PSMD1: variants seen among roughly 807,000 people sequenced by gnomAD.
The protein encoded by PSMD1 is proteasome 26S subunit, non-ATPase 1.
Under a neutral mutation model 119.0 loss-of-function variants are expected in PSMD1, and 18 were observed. The observed-to-expected ratio is 0.15, with a 90% confidence interval of 0.10 to 0.22. The LOEUF is 0.22. Among genes scored for constraint, PSMD1 ranks in the 10% least tolerant of loss-of-function variants. The pLI is 1.00. For synonymous variants in PSMD1, 374 were observed against 396.6 expected (o/e 0.94, Z 0.68); for missense variants, 702 against 1,158.5 (o/e 0.61, Z 5.72).
intron 19 of PSMD1, among the ~76,000 whole-genome samples, chr2:231,155,208 T>C (rs1696458105): frequency 6.6e-6 from 1 of 152,250 alleles, no homozygotes; most frequent in African/African-American, 2.4e-5. Flanking sequence ...CTCAAGGTTT[T>C]TATAGCAGTT....
At chr2:231,059,996 C>T (rs1693715751) in intron 1 of PSMD1, among the ~76,000 whole-genome samples, 1 of 152,202 alleles carries the variant, frequency 6.6e-6, no homozygotes, top group Non-Finnish European at 1.5e-5. Flanking sequence ...ATCCATCTCC[C>T]TTTTTGGTAA....
chr2:231,109,341 C>T (rs61731725), intron 16 of PSMD1: 2 of 1,613,896 alleles, frequency 1.2e-6, no homozygotes, highest in Admixed American at 3.3e-5. Flanking sequence ...TTTGTCAGCA[C>T]ACAAGTGATA....
intron 1 of PSMD1, among the ~76,000 whole-genome samples, chr2:231,058,891 C>T (rs1038328077): frequency 6.6e-6 from 1 of 152,152 alleles, no homozygotes; most frequent in Non-Finnish European, 1.5e-5. Flanking sequence ...TATTAAAACA[C>T]GCTTACTCTC....
chr2:231,169,531 C>T (rs1471782560), intron 23 of PSMD1, among the ~76,000 whole-genome samples: 4 of 152,066 alleles, frequency 2.6e-5, no homozygotes, highest in East Asian at 1.9e-4. Context: ...GGAAATAGTT[C>T]GGAGTTCACG....
intron 16 of PSMD1, among the ~76,000 whole-genome samples, chr2:231,117,044 A>T (rs912963372): frequency 6.6e-6 from 1 of 152,092 alleles, no homozygotes; most frequent in Non-Finnish European, 1.5e-5. Flanking sequence ...AAACAGTTCT[A>T]GACACACTTG....
At chr2:231,078,778 T>A in intron 10 of PSMD1, 31 bp downstream of exon 10, 1 of 1,085,948 alleles carries the variant, frequency 9.2e-7, no homozygotes, top group Non-Finnish European at 1.3e-6. Flanking sequence ...TCACTTTGGT[T>A]CAAAATCTTT....
At chr2:231,083,467 T>G in intron 13 of PSMD1, 100 bp from the exon 14 acceptor site, 1 of 1,274,948 alleles carries the variant, frequency 7.8e-7, no homozygotes, top group Admixed American at 2.0e-5. Flanking sequence ...GCTAATGATT[T>G]TTTTGATAGT....
At chr2:231,087,962 C>CAA (rs1056884712) in intron 16 of PSMD1, among the ~76,000 whole-genome samples, 1 of 138,532 alleles carries the variant, frequency 7.2e-6, no homozygotes. Context: ...GACTCCCTCT[C>CAA]AAAAAAAAAA....
In PSMD1 at chr2:231,170,606, A is replaced by G. The variant is rs1480593232; in HGVS notation, c.2756A>G (p.Glu919Gly). The change falls in exon 24 of 25, where the codon GAA (glutamate) becomes GGA (glycine). Residue 919 changes from glutamate (E) to glycine (G), a missense_variant. Physicochemically the swap from Glu to Gly is moderately conservative, Grantham distance 98. This residue lies in a region of PSMD1 where 152 missense variants were observed against 239.3 expected (regional missense o/e 0.64). Coordinates refer to ENST00000308696, the MANE Select transcript of PSMD1 (RefSeq NM_002807.4). The surrounding 1 kb of genome is among the most constrained non-coding windows in gnomAD (Gnocchi z 4.1). ...GGIIILKDTS[E>G]DIEELVEPVA... is the part of the protein sequence containing the mutation. ...ATCATCATTCTGAAGGATACCAGTG[A>G]AGACATTGAGGAGCTGGTGGAACCT... 1.9e-6 allele frequency: 3 copies of G among 1,613,986 alleles called. No homozygotes were observed. The African/African-American group carries it at 4.0e-5, about 22-fold the overall frequency.
At chr2:231,099,477 A>G (rs1017502153) in intron 16 of PSMD1, among the ~76,000 whole-genome samples, 1 of 152,118 alleles carries the variant, frequency 6.6e-6, no homozygotes, top group Non-Finnish European at 1.5e-5. Context: ...CTTTTTCCTA[A>G]GTTTAGTCCT....
At chr2:231,113,831 C>T in intron 16 of PSMD1, 2 of 1,614,108 alleles carry the variant, frequency 1.2e-6, no homozygotes, top group Non-Finnish European at 1.7e-6. Context: ...TAACGATCCA[C>T]TGAAATGGCA....
At chr2:231,058,112 C>A (rs1693655703) in intron 1 of PSMD1, among the ~76,000 whole-genome samples, 1 of 152,156 alleles carries the variant, frequency 6.6e-6, no homozygotes, top group Non-Finnish European at 1.5e-5. Flanking sequence ...GACTTTTTGT[C>A]CCCAAGAGAT....
rs1320661440 is a variant in PSMD1 at position 231,172,766 on chromosome 2, G to C, written c.*241G>C. On this transcript the variant is annotated 3_prime_UTR_variant, in exon 25 of 25. Coordinates refer to ENST00000308696, the MANE Select transcript of PSMD1 (RefSeq NM_002807.4). ...AGATCTCCAGATGGACAAGACATTTGTTTTTCAGCCTGGGTTTTTAATAAA... is the reference window on the plus strand; with the variant it reads ...AGATCTCCAGATGGACAAGACATTTCTTTTTCAGCCTGGGTTTTTAATAAA... 4 of 152,114 alleles carry C rather than the reference G, an allele frequency of 2.6e-5. No individual in the cohort carries two copies. The highest frequency in any genetic ancestry group is 5.9e-5 in the Non-Finnish European group (4 of 68,016). 9.4% of individuals were successfully genotyped at this position (152,114 alleles called of 1,614,324 possible). A position where few individuals can be genotyped will look rare whatever the true frequency, so the allele number is the denominator to read the frequency against.
At chr2:231,128,579 C>A (rs1332629029) in intron 16 of PSMD1, among the ~76,000 whole-genome samples, 1 of 152,212 alleles carries the variant, frequency 6.6e-6, no homozygotes, top group Non-Finnish European at 1.5e-5. Context: ...CTCAAAATGT[C>A]TTTCTTTTCA....
chr2:231,171,420 T>C (rs1177690747), intron 24 of PSMD1, among the ~76,000 whole-genome samples: 1 of 152,192 alleles, frequency 6.6e-6, no homozygotes, highest in Non-Finnish European at 1.5e-5. Flanking sequence ...TTTGGAGTAA[T>C]CTAATTTCAT....
chr2:231,123,327 A>G lies in PSMD1; in HGVS notation c.1884-15409A>G, dbSNP rs1695610350. 6 of 998,718 alleles carry G rather than the reference A, an allele frequency of 6.0e-6. No individual in the cohort carries two copies. The African/African-American group carries it at 6.4e-5, about 11-fold the overall frequency. 61.9% of individuals were successfully genotyped at this position (998,718 alleles called of 1,614,324 possible). A position where few individuals can be genotyped will look rare whatever the true frequency, so the allele number is the denominator to read the frequency against. ...GTCCAAGTTCATCTTTTATTTCAAGAAAAGTAAAGATTAAATGAGTGTCCA... is the reference window on the plus strand; with the variant it reads ...GTCCAAGTTCATCTTTTATTTCAAGGAAAGTAAAGATTAAATGAGTGTCCA... On this transcript the variant is annotated intron_variant, in intron 16 of 24. Coordinates refer to ENST00000308696, the MANE Select transcript of PSMD1 (RefSeq NM_002807.4).
chr2:231,109,546 G>T, intron 16 of PSMD1: 2 of 736,162 alleles, frequency 2.7e-6, no homozygotes, highest in Non-Finnish European at 2.2e-6. Context: ...TGCAGGATTT[G>T]TCGAAGCATT....
intron 23 of PSMD1, among the ~76,000 whole-genome samples, chr2:231,166,464 G>A (rs1428608922): frequency 2.7e-5 from 4 of 150,608 alleles, no homozygotes; most frequent in African/African-American, 9.7e-5. Flanking sequence ...CAAGACTTGG[G>A]ACTGCTCAAT....
At chr2:231,083,261 A>G (rs1006448113) in intron 13 of PSMD1, among the ~76,000 whole-genome samples, 4 of 152,178 alleles carry the variant, frequency 2.6e-5, no homozygotes, top group African/African-American at 7.2e-5. Flanking sequence ...TGCTTACTCC[A>G]TACTGCTTGG....
Sources: allele counts gnomAD v4.1 joint callset (sites outside exome capture counted in the v4.1 genomes callset), GRCh38; gene constraint gnomAD v4.1.1; regional missense constraint gnomAD v4.1.1; non-coding constraint Gnocchi (gnomAD v3.1); transcripts MANE v1.5; gene names NCBI Gene and HGNC (gene_info 2026-07-23, HGNC 2026-07-21).